The following NAALADL2 variants were observed in gnomAD, a reference collection of about 807,000 sequenced individuals.
NAALADL2 encodes N-acetylated alpha-linked acidic dipeptidase like 2.
Under a neutral mutation model 87.2 loss-of-function variants are expected in NAALADL2, and 76 were observed. That is an observed-to-expected ratio of 0.87 (90% CI 0.72 to 1.05). The LOEUF (loss-of-function observed/expected upper bound fraction) is 1.05. Ranked by LOEUF, NAALADL2 falls within the 50% of genes least tolerant of loss-of-function variation. The pLI is 0.00. For synonymous variants in NAALADL2, 354 were observed against 331.0 expected (o/e 1.07, Z -0.75); for missense variants, 1,089 against 945.8 (o/e 1.15, Z -1.99).
At chr3:175,394,084 A>T (rs960102434) in intron 5 of NAALADL2, among the ~76,000 whole-genome samples, 4 of 151,984 alleles carry the variant, frequency 2.6e-5, no homozygotes, top group Non-Finnish European at 5.9e-5. Flanking sequence ...CAAGAAGCAG[A>T]TAGCCAATAT....
At chr3:175,579,329 A>G (rs1719397516) in intron 10 of NAALADL2, among the ~76,000 whole-genome samples, 1 of 152,134 alleles carries the variant, frequency 6.6e-6, no homozygotes, top group Non-Finnish European at 1.5e-5. Context: ...AACTAGTGCA[A>G]TAGAGGCCAA....
At chr3:175,040,054 A>G (rs1753885680) in intron 1 of NAALADL2, among the ~76,000 whole-genome samples, 2 of 152,120 alleles carry the variant, frequency 1.3e-5, no homozygotes, top group East Asian at 1.9e-4. Context: ...CATACACTCA[A>G]CCCCAGCCAA....
rs1254169455 is a variant in NAALADL2 at position 175,249,257 on chromosome 3, G to A, written c.820-7154G>A. 5.9e-5 allele frequency among the ~76,000 whole-genome samples: 9 copies of A among 151,718 alleles called. 1 individual carries two copies. The South Asian group carries it at 6.3e-4, about 11-fold the overall frequency. On this transcript the variant is annotated intron_variant, in intron 3 of 13. Transcript: ENST00000454872. Reference sequence around the variant, plus strand: ...AAATTTTATTTATTACCTGAAAAAAGTATTTTTTGTAAGTTAAAATTCTAA... The same window carrying A: ...AAATTTTATTTATTACCTGAAAAAAATATTTTTTGTAAGTTAAAATTCTAA...
chr3:174,524,702 C>T (rs569017719), intron 1 of NAALADL2, among the ~76,000 whole-genome samples: 1 of 133,954 alleles, frequency 7.5e-6, no homozygotes, highest in Non-Finnish European at 1.6e-5. Flanking sequence ...TACCTGCCAC[C>T]ATGCCCAACA....
chr3:175,649,076 G>A (rs960274613), intron 11 of NAALADL2, among the ~76,000 whole-genome samples: 6 of 152,132 alleles, frequency 3.9e-5, no homozygotes, highest in African/African-American at 1.4e-4. Flanking sequence ...TTGGATGCCT[G>A]TGAGAACAAG....
rs545195085 is a variant in NAALADL2, at chr3:174,900,784, A to T, written c.43+41334A>T. 3.9e-5 allele frequency among the ~76,000 whole-genome samples: 6 copies of T among 152,198 alleles called. No individual in the cohort carries two copies. The East Asian group carries it at 1.2e-3, about 29-fold the overall frequency. On this transcript the variant is annotated intron_variant, in intron 1 of 13. Coordinates refer to ENST00000454872, the MANE Select transcript of NAALADL2 (RefSeq NM_207015.3). ...AAAAAAATTAACATTGTATGCATGT[A>T]TTTTTTTAATGATAAAAATATGCCC...
intron 11 of NAALADL2, chr3:175,675,931 A>G (rs1029274356): frequency 2.0e-5 from 3 of 152,112 alleles, no homozygotes; most frequent in African/African-American, 4.8e-5. Context: ...GTAGTGCACT[A>G]TTGTTTATAT....
chr3:175,121,496 G>GT (rs1447924706), intron 2 of NAALADL2, among the ~76,000 whole-genome samples: 1 of 151,800 alleles, frequency 6.6e-6, no homozygotes, highest in Non-Finnish European at 1.5e-5. Flanking sequence ...ATTACTGGCT[G>GT]TGGTTGCAGC....
In NAALADL2 at chr3:174,705,660, G is replaced by C. The variant is rs545772096; in HGVS notation, c.-114-31981G>C. On this transcript the variant is annotated intron_variant, in intron 2 of 3. Transcript: ENST00000434257. ...TAGCCGGGCGTGGTGGTGGGCGCCT[G>C]TAATCCCAGCTACTCGGGAGGCTGA... Among the ~76,000 whole-genome samples the C allele has an allele frequency of 2.1e-4, 32 of 151,868 alleles. No individual in the cohort carries two copies. In the South Asian group the frequency reaches 6.3e-3, roughly 30 times the overall value.
intron 11 of NAALADL2, among the ~76,000 whole-genome samples, chr3:175,674,407 A>T (rs1039841249): frequency 6.6e-6 from 1 of 151,620 alleles, no homozygotes; most frequent in African/African-American, 2.4e-5. Flanking sequence ...CTACGGATGC[A>T]CACCACCACC....
chr3:174,454,687 A>G (rs1012536518), intron 1 of NAALADL2, among the ~76,000 whole-genome samples: 2 of 152,166 alleles, frequency 1.3e-5, no homozygotes, highest in Admixed American at 6.5e-5. Flanking sequence ...TTTGAAACTA[A>G]TGAGAACAAA....
At chr3:175,568,722 T>C (rs1230177040) in intron 9 of NAALADL2, among the ~76,000 whole-genome samples, 1 of 152,216 alleles carries the variant, frequency 6.6e-6, no homozygotes, top group Non-Finnish European at 1.5e-5. Flanking sequence ...TCAGTTAAAA[T>C]GCACAGGGTT....
Position 175,311,226 on chromosome 3 carries a change from T to A in NAALADL2, c.940-12949T>A, listed in dbSNP as rs563689487. 4.4e-3 allele frequency among the ~76,000 whole-genome samples: 84 copies of A among 19,130 alleles called. 1 individual carries two copies. The South Asian group carries it at 0.08, about 18-fold the overall frequency. 12.6% of individuals were successfully genotyped at this position (19,130 alleles called of 152,430 possible). On this transcript the variant is annotated intron_variant, in intron 4 of 13. Coordinates refer to ENST00000454872, the MANE Select transcript of NAALADL2 (RefSeq NM_207015.3). Reference sequence around the variant, plus strand: ...CTATATACTCAATCTAGAACATGGATTTTTTTTTTTTTTTTAAGGCTGGGC... The same window carrying A: ...CTATATACTCAATCTAGAACATGGAATTTTTTTTTTTTTTTAAGGCTGGGC...
At chr3:175,781,707 ATTT>A (rs886962164) in intron 13 of NAALADL2, among the ~76,000 whole-genome samples, 6 of 149,156 alleles carry the variant, frequency 4.0e-5, no homozygotes, top group Non-Finnish European at 4.5e-5. Context: ...TAACGCTTTT[ATTT>A]TTTTTATTTT....
rs184220817 is a variant in NAALADL2 at position 175,350,522 on chromosome 3, G to C, written c.1090+26197G>C. Among the ~76,000 whole-genome samples, 92 of 152,316 alleles carry C rather than the reference G, an allele frequency of 6.0e-4. 1 individual carries two copies. The highest frequency in any genetic ancestry group is 8.5e-4 in the Admixed American group (13 of 15,278). On this transcript the variant is annotated intron_variant, in intron 5 of 13. Transcript: ENST00000454872. Reference sequence around the variant, plus strand: ...AGCAGTCAGAGAGGCAATTCCAGAAGGGTAGGGGTGGGAGAGTCTAGAATC... The same window carrying C: ...AGCAGTCAGAGAGGCAATTCCAGAACGGTAGGGGTGGGAGAGTCTAGAATC...
intron 3 of NAALADL2, among the ~76,000 whole-genome samples, chr3:174,814,282 T>C (rs1220347528): frequency 6.6e-6 from 1 of 151,938 alleles, no homozygotes; most frequent in Admixed American, 6.6e-5. Context: ...CTAATTTTTG[T>C]ATTTTTAGTA....
intron 1 of NAALADL2, among the ~76,000 whole-genome samples, chr3:175,044,028 A>C (rs1247257094): frequency 6.6e-6 from 1 of 152,026 alleles, no homozygotes; most frequent in Non-Finnish European, 1.5e-5. Flanking sequence ...CTTTTCATTT[A>C]TTTATGTCTT....
intron 1 of NAALADL2, among the ~76,000 whole-genome samples, chr3:175,070,938 CT>C (rs1715515998): frequency 6.6e-6 from 1 of 151,986 alleles, no homozygotes; most frequent in Non-Finnish European, 1.5e-5. Context: ...GCTCTAGACC[CT>C]TTTTAAGACA....
At chr3:174,831,338 A>C (rs931050567) in intron 3 of NAALADL2, among the ~76,000 whole-genome samples, 14 of 146,674 alleles carry the variant, frequency 9.5e-5, no homozygotes, top group African/African-American at 3.4e-4. Context: ...ATTTTGTCAA[A>C]GGCCTTTTCT....
Sources: allele counts gnomAD v4.1 joint callset (sites outside exome capture counted in the v4.1 genomes callset), GRCh38; gene constraint gnomAD v4.1.1; transcripts MANE v1.5; gene names NCBI Gene and HGNC (gene_info 2026-07-23, HGNC 2026-07-21).